GRK3: variants seen among roughly 807,000 people sequenced by gnomAD.
GRK3 encodes adrenergic, beta, receptor kinase 2.
Under a neutral mutation model 95.7 loss-of-function variants are expected in GRK3, and 54 were observed. The observed-to-expected ratio is 0.56, with a 90% CI of 0.45 to 0.71. GRK3 has a LOEUF of 0.71. GRK3 is among the 30% of genes least tolerant of loss of function. The pLI, the probability that GRK3 is intolerant of heterozygous loss-of-function variation, is 0.00. For missense variants in GRK3, 649 were observed against 851.2 expected (o/e 0.76, Z 2.96); for synonymous variants, 281 against 290.8 (o/e 0.97, Z 0.34).
chr22:25,565,221 T>C, intron 1 of GRK3, 68 bp downstream of exon 1: 1 of 777,312 alleles, frequency 1.3e-6, no homozygotes, highest in Non-Finnish European at 1.9e-6. Context: ...TACCCCCTGC[T>C]TCCTGGAGGG....
intron 1 of GRK3, among the ~76,000 whole-genome samples, chr22:25,602,384 T>C (rs2084415355): frequency 6.6e-6 from 1 of 152,252 alleles, no homozygotes; most frequent in African/African-American, 2.4e-5. Flanking sequence ...GATTGTAAAA[T>C]GGTAGAACCA....
chr22:25,663,942 G>A (rs1168415644), intron 5 of GRK3, among the ~76,000 whole-genome samples: 2 of 152,148 alleles, frequency 1.3e-5, no homozygotes, highest in African/African-American at 2.4e-5. Flanking sequence ...GAGCTTTGTC[G>A]TAACATTATG....
intron 7 of GRK3, among the ~76,000 whole-genome samples, chr22:25,673,122 C>T (rs919417050): frequency 1.4e-5 from 2 of 142,406 alleles, no homozygotes; most frequent in East Asian, 2.1e-4. Flanking sequence ...AATGTAGTGG[C>T]GCGATCTCTG....
intron 1 of GRK3, among the ~76,000 whole-genome samples, chr22:25,584,035 A>G (rs1932198030): frequency 6.6e-6 from 1 of 152,266 alleles, no homozygotes; most frequent in Admixed American, 6.5e-5. Context: ...GAGTAAGGAA[A>G]TATGCAAATA....
rs1428316143 is a variant in GRK3, at chr22:25,687,534, CA to C, written c.827-2del. The C allele has an allele frequency of 6.2e-7, 1 of 1,611,790 alleles. No individual in the cohort carries two copies. The highest frequency in any genetic ancestry group is 1.7e-5 in the Admixed American group (1 of 59,576). ...TTGAATTAAATTCTGAATCTGATTC[CA>C]GGGGGCGATTTGCACTACCACCTTT... On this transcript the variant is annotated splice_acceptor_variant, in intron 10 of 20. Coordinates refer to ENST00000324198, the MANE Select transcript of GRK3 (RefSeq NM_005160.4). LOFTEE classifies it high-confidence loss of function.
intron 3 of GRK3, among the ~76,000 whole-genome samples, chr22:25,658,109 T>C (rs2084885155): frequency 1.3e-5 from 2 of 152,240 alleles, no homozygotes; most frequent in African/African-American, 4.8e-5. Flanking sequence ...CTTTCTGTTA[T>C]GTCCAGTTAT....
chr22:25,640,722 CAATTCTTT>C, intron 2 of GRK3, among the ~76,000 whole-genome samples: 1 of 152,136 alleles, frequency 6.6e-6, no homozygotes, highest in East Asian at 1.9e-4. Flanking sequence ...AAAAGCAATA[CAATTCTTT>C]CTACTAATTT....
rs768086278 is a variant in GRK3, at chr22:25,722,358, C to T, written c.1975C>T (p.Arg659Cys). 21 of 1,614,138 alleles carry T rather than the reference C, an allele frequency of 1.3e-5. No individual in the cohort carries two copies. Among genetic ancestry groups the T allele is most frequent in the Admixed American group, 1.7e-5 (1 of 60,018 alleles). ...CTTCAAGGAGGCCCAGCGGCTATTG[C>T]GTCGTGCCCCGAAGTTCCTCAACAA... ...ETFKEAQRLL[R>C]RAPKFLNKPR... The change falls in exon 21 of 21, where the codon CGT becomes TGT. Residue 659 changes from arginine to cysteine, a missense_variant. By Grantham distance (180) the Arg-to-Cys change is radical (BLOSUM62 -3). Around this residue, in one of 3 missense-constraint regions of GRK3, gnomAD observed 382 missense variants for 493.8 expected, o/e 0.77. Transcript: ENST00000324198.
chr22:25,705,127 T>C (rs1184112863), intron 15 of GRK3, among the ~76,000 whole-genome samples: 3 of 152,226 alleles, frequency 2.0e-5, no homozygotes, highest in African/African-American at 7.2e-5. Flanking sequence ...TATATGAGTA[T>C]GTCCTTATCA....
intron 12 of GRK3, among the ~76,000 whole-genome samples, chr22:25,692,047 T>TC (rs1255722674): frequency 6.6e-6 from 1 of 152,040 alleles, no homozygotes; most frequent in African/African-American, 2.4e-5. Context: ...CACTGCAGCC[T>TC]CCCCCTCCCG....
intron 13 of GRK3, among the ~76,000 whole-genome samples, chr22:25,696,191 G>C (rs898430318): frequency 1.3e-5 from 2 of 151,788 alleles, no homozygotes; most frequent in African/African-American, 4.8e-5. Flanking sequence ...TGTTGCCCAG[G>C]CTGGTCTCGA....
At chr22:25,602,936 A>G (rs939093972) in intron 1 of GRK3, among the ~76,000 whole-genome samples, 4 of 152,148 alleles carry the variant, frequency 2.6e-5, no homozygotes, top group Non-Finnish European at 4.4e-5. Flanking sequence ...TTGTTTTTGG[A>G]GACAGAGTCT....
At chr22:25,595,717 T>C (rs2084367997) in intron 1 of GRK3, among the ~76,000 whole-genome samples, 2 of 151,754 alleles carry the variant, frequency 1.3e-5, no homozygotes, top group African/African-American at 4.8e-5. Flanking sequence ...GAGGCTGAGG[T>C]GGGAGGATCT....
chr22:25,603,645 A>C (rs1294337453), intron 1 of GRK3, among the ~76,000 whole-genome samples: 1 of 151,930 alleles, frequency 6.6e-6, no homozygotes, highest in Non-Finnish European at 1.5e-5. Context: ...TCTATGAAAA[A>C]CCCTATTGGA....
intron 1 of GRK3, among the ~76,000 whole-genome samples, chr22:25,568,326 A>G (rs1316616586): frequency 1.3e-5 from 2 of 152,144 alleles, no homozygotes; most frequent in African/African-American, 4.8e-5. Context: ...TTTTTAAAAA[A>G]AACAGAATGA....
At chr22:25,566,362 T>A (rs1931483750) in intron 1 of GRK3, among the ~76,000 whole-genome samples, 1 of 152,246 alleles carries the variant, frequency 6.6e-6, no homozygotes, top group Non-Finnish European at 1.5e-5. Context: ...TGTTACCTAA[T>A]GCTAAGTGAT....
chr22:25,721,290 T>C lies in GRK3; in HGVS notation c.1798T>C (p.Leu600=). Residue 600 remains leucine, a synonymous_variant, in exon 20 of 21, where the codon TTA becomes CTA. Coordinates refer to ENST00000324198, the MANE Select transcript of GRK3 (RefSeq NM_005160.4). ...TTTCTGTTTTTATGGTTAGCAAAAT[T>C]TACTGACAATGGAACAGATTCTCTC... ...WRGEGESRQN[L]LTMEQILSVE... 1 of 1,553,728 alleles carries C rather than the reference T, an allele frequency of 6.4e-7. No homozygotes were observed. Among genetic ancestry groups the C allele is most frequent in the African/African-American group, 1.4e-5 (1 of 72,138 alleles).
intron 9 of GRK3, among the ~76,000 whole-genome samples, chr22:25,683,006 C>A (rs913723320): frequency 3.3e-5 from 5 of 152,264 alleles, no homozygotes; most frequent in African/African-American, 1.2e-4. Context: ...CCTCCTGTAG[C>A]TGTGCAGCAG....
At chr22:25,623,629 C>T (rs911449129) in intron 2 of GRK3, among the ~76,000 whole-genome samples, 1 of 152,206 alleles carries the variant, frequency 6.6e-6, no homozygotes, top group African/African-American at 2.4e-5. Flanking sequence ...AAGAAACCTA[C>T]ACACCTGTAT....
Sources: gnomAD v4.1 joint callset for allele counts (sites outside exome capture counted in the v4.1 genomes callset) on GRCh38, gnomAD v4.1.1 for gene constraint, gnomAD v4.1.1 regional missense constraint, MANE v1.5 for transcripts, NCBI Gene and HGNC (gene_info 2026-07-23, HGNC 2026-07-21) for gene names.